Variants in ARHGAP10 observed in about 807,000 individuals in gnomAD.
ARHGAP10 encodes the protein Rho GTPase activating protein 10.
ARHGAP10 carries 87 observed loss-of-function variants against 108.6 expected under a neutral mutation model. The observed-to-expected ratio is 0.80, with a 90% CI of 0.67 to 0.96. ARHGAP10 has a LOEUF of 0.96. Ranked by LOEUF, ARHGAP10 falls within the 40% of genes least tolerant of loss-of-function variation. The pLI is 0.00. For synonymous variants in ARHGAP10, 347 were observed against 341.1 expected (o/e 1.02, Z -0.19); for missense variants, 939 against 954.5 (o/e 0.98, Z 0.21).
intron 20 of ARHGAP10, among the ~76,000 whole-genome samples, chr4:148,057,809 G>C (rs1729426377): frequency 6.6e-6 from 1 of 152,248 alleles, no homozygotes; most frequent in Non-Finnish European, 1.5e-5. Flanking sequence ...CTTGGCTGCA[G>C]AGCAGGTGGT....
At chr4:148,049,664 G>A (rs958278392) in intron 20 of ARHGAP10, among the ~76,000 whole-genome samples, 8 of 152,096 alleles carry the variant, frequency 5.3e-5, no homozygotes, top group Non-Finnish European at 7.4e-5. Context: ...ATTATTTGGC[G>A]CTAAGAAATT....
rs1037079926 is a variant in ARHGAP10, at chr4:147,870,525, A to G, written c.702+3709A>G. On this transcript the variant is annotated intron_variant, in intron 7 of 22. Transcript: ENST00000336498. ...TAAAAGCGAAAACCTATTTTTCCCC[A>G]TCTGATAATACCTATTGTATTGTAA... 2.0e-5 allele frequency among the ~76,000 whole-genome samples: 3 copies of G among 151,462 alleles called. No individual in the cohort carries two copies. The South Asian group carries it at 6.3e-4, about 32-fold the overall frequency.
chr4:147,802,085 G>A (rs574092586), intron 1 of ARHGAP10, among the ~76,000 whole-genome samples: 12 of 152,294 alleles, frequency 7.9e-5, no homozygotes, highest in East Asian at 3.9e-4. Flanking sequence ...CTGACAGGTC[G>A]GAGGAGTGGG....
chr4:148,007,979 GA>G (rs1741017583), intron 18 of ARHGAP10, among the ~76,000 whole-genome samples: 1 of 152,174 alleles, frequency 6.6e-6, no homozygotes, highest in Non-Finnish European at 1.5e-5. Context: ...AGTCAATCAG[GA>G]CTGCAGTTGG....
At position 148,019,719 on chromosome 4, in the gene ARHGAP10, C is replaced by T. The variant is rs1277958599; in HGVS notation, c.1717-3544C>T. On this transcript the variant is annotated intron_variant, in intron 18 of 22. Coordinates refer to ENST00000336498, the MANE Select transcript of ARHGAP10 (RefSeq NM_024605.4). ...TAGCCAAGCCGAGCTGAGCCGAGAT[C>T]GCGCCATTGCACTCCAGCCTGGGTG... 2.6e-5 allele frequency among the ~76,000 whole-genome samples: 4 copies of T among 151,542 alleles called. No individual in the cohort carries two copies. In the East Asian group the frequency reaches 7.8e-4, roughly 29 times the overall value.
At chr4:147,897,248 T>C (rs917791896) in intron 10 of ARHGAP10, among the ~76,000 whole-genome samples, 4 of 151,292 alleles carry the variant, frequency 2.6e-5, no homozygotes, top group Non-Finnish European at 5.9e-5. Context: ...AGTTTATATA[T>C]AATAATTATT....
intron 18 of ARHGAP10, among the ~76,000 whole-genome samples, chr4:147,975,517 G>T (rs556364530): frequency 1.3e-5 from 2 of 152,306 alleles, no homozygotes; most frequent in African/African-American, 2.4e-5. Flanking sequence ...GCCCAAGGTT[G>T]ATGAGCTGCA....
chr4:147,948,562 A>G (rs1295644880), intron 15 of ARHGAP10, among the ~76,000 whole-genome samples: 2 of 152,144 alleles, frequency 1.3e-5, no homozygotes, highest in Non-Finnish European at 1.5e-5. Context: ...TTATATCTTC[A>G]TGATAACATT....
intron 1 of ARHGAP10, among the ~76,000 whole-genome samples, chr4:147,749,801 T>G (rs532043012): frequency 3.9e-5 from 6 of 152,342 alleles, no homozygotes; most frequent in Admixed American, 3.9e-4. Context: ...ACGGTCAAAC[T>G]AAATATTTGT....
At chr4:147,781,771 A>T (rs1233027389) in intron 1 of ARHGAP10, among the ~76,000 whole-genome samples, 1 of 148,506 alleles carries the variant, frequency 6.7e-6, no homozygotes, top group African/African-American at 2.5e-5. Flanking sequence ...TATTAATTGC[A>T]TACAATTACT....
In ARHGAP10 at chr4:147,947,792, T is replaced by C. The variant is rs191453481; in HGVS notation, c.1391+1088T>C. 2.2e-4 allele frequency among the ~76,000 whole-genome samples: 34 copies of C among 152,322 alleles called. No homozygotes were observed. In the East Asian group the frequency reaches 6.2e-3, roughly 28 times the overall value. ...GTGGATACATTCGAATCAACTTATATGACGTATTTTGTATTTTTAAAAAAT... is the reference window on the plus strand; with the variant it reads ...GTGGATACATTCGAATCAACTTATACGACGTATTTTGTATTTTTAAAAAAT... On this transcript the variant is annotated intron_variant, in intron 15 of 22. Transcript: ENST00000336498.
chr4:147,920,524 C>T (rs1024110775), intron 13 of ARHGAP10, among the ~76,000 whole-genome samples: 2 of 152,158 alleles, frequency 1.3e-5, no homozygotes, highest in South Asian at 2.1e-4. Flanking sequence ...GAAGACTTAT[C>T]GTAGCTAAAC....
rs185246684 is a variant in ARHGAP10, at chr4:148,003,058, A to G, written c.1717-20205A>G. 1.6e-3 allele frequency among the ~76,000 whole-genome samples: 247 copies of G among 152,344 alleles called. 1 individual carries two copies. Among genetic ancestry groups the G allele is most frequent in the African/African-American group, 5.6e-3 (232 of 41,572 alleles). ...CTTTCTCTTGTGGGCATTTAGTGCT[A>G]TAAATTTCCTTCTACACACTGCGTT... On this transcript the variant is annotated intron_variant, in intron 18 of 22. Coordinates refer to ENST00000336498, the MANE Select transcript of ARHGAP10 (RefSeq NM_024605.4).
At chr4:147,831,654 A>G (rs1172511219) in intron 3 of ARHGAP10, among the ~76,000 whole-genome samples, 1 of 152,204 alleles carries the variant, frequency 6.6e-6, no homozygotes, top group African/African-American at 2.4e-5. Context: ...ACTGACCTTT[A>G]CAATTGGACA....
At chr4:147,938,912 TAG>T (rs1348479295) in intron 13 of ARHGAP10, among the ~76,000 whole-genome samples, 5 of 152,320 alleles carry the variant, frequency 3.3e-5, no homozygotes, top group African/African-American at 9.6e-5. Flanking sequence ...CATAAAAAAG[TAG>T]AGAGATTGGT....
At chr4:148,046,310 TTACC>T (rs1313069143) in intron 19 of ARHGAP10, among the ~76,000 whole-genome samples, 1 of 152,218 alleles carries the variant, frequency 6.6e-6, no homozygotes, top group African/African-American at 2.4e-5. Flanking sequence ...TCGTGTGGCA[TTACC>T]ACAAAAGCCT....
chr4:147,893,799 A>G (rs1220636983), intron 10 of ARHGAP10, among the ~76,000 whole-genome samples: 3 of 152,080 alleles, frequency 2.0e-5, no homozygotes, highest in African/African-American at 7.2e-5. Flanking sequence ...AGTTATTTTA[A>G]CAGAATTTTA....
At chr4:147,979,550 G>C (rs554014756) in intron 18 of ARHGAP10, among the ~76,000 whole-genome samples, 1 of 152,108 alleles carries the variant, frequency 6.6e-6, no homozygotes, top group South Asian at 2.1e-4. Flanking sequence ...TTTTAGAAAA[G>C]TGTTTTCTAA....
chr4:147,964,921 C>A, intron 16 of ARHGAP10, 103 bp from the exon 17 acceptor site: 1 of 726,912 alleles, frequency 1.4e-6, no homozygotes, highest in Non-Finnish European at 2.1e-6. Flanking sequence ...AACAGAGGAG[C>A]TGTTGTCATT....
Sources: gnomAD v4.1 joint callset for allele counts (sites outside exome capture counted in the v4.1 genomes callset) on GRCh38, gnomAD v4.1.1 for gene constraint, MANE v1.5 for transcripts, NCBI Gene and HGNC (gene_info 2026-07-23, HGNC 2026-07-21) for gene names.